Variants in SMARCA2 observed in about 807,000 individuals in gnomAD.
SMARCA2 encodes the protein SWI/SNF related BAF chromatin remodeling complex subunit ATPase 2, also known as SWI/SNF-related matrix-associated actin-dependent regulator of chromatin subfamily A member 2.
Under a neutral mutation model 199.8 loss-of-function variants are expected in SMARCA2, and 61 were observed. The ratio of observed to expected loss-of-function variants is 0.31; its 90% CI spans 0.25 to 0.38. The LOEUF is 0.38. SMARCA2 is among the 10% of genes least tolerant of loss of function. The probability of loss-of-function intolerance (pLI) is 1.00; values close to 1 mark genes in which losing one functional copy is unlikely to be tolerated. For synonymous variants in SMARCA2, 935 were observed against 732.0 expected, an observed-to-expected ratio of 1.28 and a Z score of -4.48; for missense variants, 1,344 against 2,012.2, an observed-to-expected ratio of 0.67 and a Z score of 6.35.
At chr9:2,061,139 G>A in intron 9 of SMARCA2, 153 bp downstream of exon 9, 1 of 686,670 alleles carries the variant, frequency 1.5e-6, no homozygotes, top group Non-Finnish European at 2.4e-6. Context: ...TGGCATGGAA[G>A]TGTTGATTAG....
chr9:2,062,618 C>A (rs902075055), intron 9 of SMARCA2, among the ~76,000 whole-genome samples: 1 of 152,162 alleles, frequency 6.6e-6, no homozygotes, highest in Non-Finnish European at 1.5e-5. Flanking sequence ...TAAGTTGGCA[C>A]GCCCCTTTCA....
At chr9:2,180,715 T>A (rs1410265933) in intron 29 of SMARCA2, among the ~76,000 whole-genome samples, 2 of 152,254 alleles carry the variant, frequency 1.3e-5, no homozygotes, top group East Asian at 3.8e-4. Context: ...TTTGTGCCTT[T>A]AACCACATCT....
At chr9:2,157,809 A>T in intron 27 of SMARCA2, 1 of 398,170 alleles carries the variant, frequency 2.5e-6, no homozygotes, top group Non-Finnish European at 4.4e-6. Context: ...GCATAACAGC[A>T]ATTCTTTACA....
intron 23 of SMARCA2, among the ~76,000 whole-genome samples, chr9:2,105,722 C>T (rs1295657600): frequency 1.3e-5 from 2 of 152,152 alleles, no homozygotes; most frequent in African/African-American, 2.4e-5. Context: ...GTGGAAAATT[C>T]GGCACTCTTC....
rs12344437 is a variant in SMARCA2, at chr9:2,136,821, T to C, written c.3981+12884T>C. On this transcript the variant is annotated intron_variant, in intron 27 of 33. Coordinates refer to ENST00000349721, the MANE Select transcript of SMARCA2 (RefSeq NM_003070.5). ...ATAAACCATGAGATGCTCTGACTTTTAGGGGTTTAAGCTGTTCAGGAAATC... is the reference window on the plus strand; with the variant it reads ...ATAAACCATGAGATGCTCTGACTTTCAGGGGTTTAAGCTGTTCAGGAAATC... Among the ~76,000 whole-genome samples the C allele has an allele frequency of 2.9e-3, 443 of 152,296 alleles. 2 individuals are homozygous for C. The highest frequency in any genetic ancestry group is 0.01 in the African/African-American group (420 of 41,566).
Position 2,182,167 on chromosome 9 carries a change from G to A in SMARCA2, c.4386G>A (p.Arg1462=). Residue 1462 remains arginine (R), a synonymous_variant, in exon 31 of 34, where the codon CGG becomes CGA. Transcript: ENST00000349721. ...AAAGGATTCGTAATCATAAGTACCG[G>A]AGCCTAGGCGACCTGGAGAAGGATG... The part of the protein sequence containing the change: ...IKERIRNHKY[R]SLGDLEKDVM... 1 of 1,612,804 alleles carries A rather than the reference G, an allele frequency of 6.2e-7. No homozygotes were observed. Among genetic ancestry groups the A allele is most frequent in the Non-Finnish European group, 8.5e-7 (1 of 1,178,866 alleles).
intron 27 of SMARCA2, among the ~76,000 whole-genome samples, chr9:2,153,929 C>A (rs1422764874): frequency 1.3e-5 from 2 of 152,180 alleles, no homozygotes; most frequent in East Asian, 3.9e-4. Flanking sequence ...GAATTATTCA[C>A]CTAAGCCTGG....
At chr9:2,060,130 A>AG (rs1438528994) in intron 8 of SMARCA2, among the ~76,000 whole-genome samples, 1 of 97,176 alleles carries the variant, frequency 1.0e-5, no homozygotes, top group South Asian at 2.6e-4. Context: ...AAAAAAAAAA[A>AG]AAAAAAAAAA....
rs560001609 is a variant in SMARCA2, at chr9:2,178,705, CTTTT to C, written c.4254-2863_4254-2860del. ...CAGAACTGTCAGGCTGCTTCACTTCCTTTTTTGTTTGTTTGTTTAATTTTTTTTT... is the reference window on the plus strand; with the variant it reads ...CAGAACTGTCAGGCTGCTTCACTTCCTTGTTTGTTTGTTTAATTTTTTTTT... On this transcript the variant is annotated intron_variant, in intron 29 of 33. Coordinates refer to ENST00000349721, the MANE Select transcript of SMARCA2 (RefSeq NM_003070.5). Among the ~76,000 whole-genome samples, 12 of 151,832 alleles carry C rather than the reference CTTTT, an allele frequency of 7.9e-5. No homozygotes were observed. In the East Asian group the frequency reaches 2.3e-3, roughly 29 times the overall value.
chr9:2,102,853 C>T (rs549055807), intron 22 of SMARCA2, among the ~76,000 whole-genome samples: 1 of 152,160 alleles, frequency 6.6e-6, no homozygotes, highest in East Asian at 1.9e-4. Context: ...TGAAAACGTT[C>T]AGTATAGCTC....
At chr9:2,176,043 G>A (rs1051625024) in intron 29 of SMARCA2, among the ~76,000 whole-genome samples, 1 of 151,924 alleles carries the variant, frequency 6.6e-6, no homozygotes. Context: ...ACCATACTCG[G>A]CTAATTTTTT....
intron 27 of SMARCA2, among the ~76,000 whole-genome samples, chr9:2,127,181 A>G (rs1001358725): frequency 6.6e-6 from 1 of 151,386 alleles, no homozygotes; most frequent in Non-Finnish European, 1.5e-5. Flanking sequence ...CTTGTCCTTC[A>G]GTCACAGTTT....
chr9:2,060,970 G>C lies in SMARCA2; in HGVS notation c.1676G>C (p.Arg559Thr). 6.2e-7 allele frequency: 1 copy of C among 1,612,942 alleles called. No individual in the cohort carries two copies. Among genetic ancestry groups the C allele is most frequent in the South Asian group, 1.1e-5 (1 of 90,994 alleles). Residue 559 changes from arginine (R) to threonine (T), a missense_variant, in exon 9 of 34, where the codon AGG becomes ACG. Arg to Thr is a moderately conservative substitution (Grantham distance 71). This residue lies in a region of SMARCA2 where 68 missense variants were observed against 70.4 expected (regional missense o/e 0.97). Transcript: ENST00000349721. ...CAGGCAGCCAAAGAGAAGAAGAAGA[G>C]GAGGAGGAGGAAGAAGGTGCGTATC... ...QAQAAKEKKK[R>T]RRRKKKAEEN...
chr9:2,138,196 A>T (rs1288758878), intron 27 of SMARCA2, among the ~76,000 whole-genome samples: 1 of 151,898 alleles, frequency 6.6e-6, no homozygotes, highest in Non-Finnish European at 1.5e-5. Flanking sequence ...AAAAAAAAAC[A>T]GATAAATACA....
At chr9:2,101,797 A>G (rs1464147279) in intron 22 of SMARCA2, among the ~76,000 whole-genome samples, 181 bp downstream of exon 22, 2 of 152,234 alleles carry the variant, frequency 1.3e-5, no homozygotes, top group Non-Finnish European at 2.9e-5. Flanking sequence ...ATAAATTATT[A>G]CTTGCCTTAA....
intron 9 of SMARCA2, among the ~76,000 whole-genome samples, chr9:2,069,434 C>G (rs1412346516): frequency 6.6e-6 from 1 of 151,678 alleles, no homozygotes; most frequent in African/African-American, 2.4e-5. Flanking sequence ...TGGCGGTCGC[C>G]TGTAGTCCCA....
chr9:2,109,152 T>C (rs1302817702), intron 23 of SMARCA2, among the ~76,000 whole-genome samples: 1 of 152,212 alleles, frequency 6.6e-6, no homozygotes, highest in Non-Finnish European at 1.5e-5. Context: ...TCCTCTGAAA[T>C]AAATTGCTGG....
chr9:2,127,255 A>G (rs985619523), intron 27 of SMARCA2, among the ~76,000 whole-genome samples: 1 of 152,088 alleles, frequency 6.6e-6, no homozygotes, highest in Non-Finnish European at 1.5e-5. Flanking sequence ...CTGGCTCTGT[A>G]TCTTGTTAGA....
In SMARCA2 at chr9:2,039,701, C is replaced by T. The variant is rs751821597; in HGVS notation, c.591C>T (p.Pro197=). The change falls in exon 4 of 34, where the codon CCC becomes CCT. Residue 197 remains proline, a synonymous_variant. Coordinates refer to ENST00000349721, the MANE Select transcript of SMARCA2 (RefSeq NM_003070.5). The surrounding 1 kb of genome is among the most constrained non-coding windows in gnomAD (Gnocchi z 4.8). ...ATAAAATGCTGGCCCGAGGCCAGCC[C>T]CTCCCCGAAACGCTGCAGCTTGCAG... is the stretch of plus-strand genomic sequence containing the variant. ...LAYKMLARGQ[P]LPETLQLAVQ... 25 of 1,613,964 alleles carry T rather than the reference C, an allele frequency of 1.5e-5. No homozygotes were observed. Among genetic ancestry groups the T allele is most frequent in the Middle Eastern group, 3.4e-4 (2 of 5,872 alleles).
Sources: allele counts gnomAD v4.1 joint callset (sites outside exome capture counted in the v4.1 genomes callset), GRCh38; gene constraint gnomAD v4.1.1; regional missense constraint gnomAD v4.1.1; non-coding constraint Gnocchi (gnomAD v3.1); transcripts MANE v1.5; gene names NCBI Gene and HGNC (gene_info 2026-07-23, HGNC 2026-07-21).